HYCC1: variants seen among roughly 807,000 people sequenced by gnomAD.
HYCC1 encodes the protein hyccin PI4KA lipid kinase complex subunit 1, also known as hyccin.
chr7:22,932,397 T>C, the HYCC1 span, among the ~76,000 whole-genome samples: 1 of 152,160 alleles, frequency 6.6e-6, no homozygotes, highest in Non-Finnish European at 1.5e-5. Flanking sequence ...AGAGAATTAT[T>C]CTTACATCTT....
the HYCC1 span, among the ~76,000 whole-genome samples, chr7:22,990,197 T>C: frequency 6.6e-6 from 1 of 152,244 alleles, no homozygotes; most frequent in South Asian, 2.1e-4. Flanking sequence ...CCATTATAAA[T>C]AGCCCTGCTT....
chr7:22,961,415 G>A, the HYCC1 span: 1 of 743,240 alleles, frequency 1.3e-6, no homozygotes, highest in Non-Finnish European at 2.3e-6. Flanking sequence ...GAAAATAAAA[G>A]ATCATATTAG....
chr7:22,938,703 G>C, the HYCC1 span: 1 of 152,054 alleles, frequency 6.6e-6, no homozygotes, highest in Non-Finnish European at 1.5e-5. Flanking sequence ...ATCTCTTCAA[G>C]AAGTTTGCCC....
chr7:22,991,763 C>G, the HYCC1 span, among the ~76,000 whole-genome samples: 1 of 152,004 alleles, frequency 6.6e-6, no homozygotes, highest in South Asian at 2.1e-4. Flanking sequence ...AAATGTTTGT[C>G]AAAATACAAC....
At chr7:22,998,388 G>A in the HYCC1 span, among the ~76,000 whole-genome samples, 1 of 152,100 alleles carries the variant, frequency 6.6e-6, no homozygotes, top group African/African-American at 2.4e-5. Flanking sequence ...ACAGAATGGT[G>A]AGATCTCTGG....
the HYCC1 span, chr7:22,961,151 T>C: frequency 2.5e-6 from 2 of 808,214 alleles, no homozygotes; most frequent in African/African-American, 2.4e-5. Context: ...GACATATTAA[T>C]AAACTATGAA....
At chr7:23,008,730 G>C in the HYCC1 span, among the ~76,000 whole-genome samples, 1 of 151,932 alleles carries the variant, frequency 6.6e-6, no homozygotes, top group East Asian at 1.9e-4. Context: ...CATATCTATA[G>C]ACAGACAGAG....
At chr7:22,998,734 C>A in the HYCC1 span, among the ~76,000 whole-genome samples, 4 of 152,164 alleles carry the variant, frequency 2.6e-5, no homozygotes, top group African/African-American at 9.7e-5. Flanking sequence ...CTTCTGGCTC[C>A]TGATTTCTTC....
the HYCC1 span, among the ~76,000 whole-genome samples, chr7:22,960,885 A>G: frequency 9.9e-5 from 15 of 152,136 alleles, no homozygotes; most frequent in Non-Finnish European, 2.1e-4. Flanking sequence ...TCCTGTCTCT[A>G]CTAAAAATAC....
At chr7:22,945,352 G>C in the HYCC1 span, 804 of 560,986 alleles carry the variant, frequency 1.4e-3, 8 homozygotes, top group African/African-American at 0.014. Flanking sequence ...CAAATAAGAG[G>C]AGGGAAAAAA....
chr7:22,965,131 TAAA>T, the HYCC1 span, among the ~76,000 whole-genome samples: 19 of 133,798 alleles, frequency 1.4e-4, no homozygotes, highest in Non-Finnish European at 1.7e-4. Context: ...GAGATTCCAT[TAAA>T]AAAAAAAAAA....
chr7:22,986,623 G>A, the HYCC1 span, among the ~76,000 whole-genome samples: 3 of 152,162 alleles, frequency 2.0e-5, no homozygotes, highest in African/African-American at 7.2e-5. Context: ...TGAGGCAGGT[G>A]GATCACGAGG....
the HYCC1 span, among the ~76,000 whole-genome samples, chr7:22,927,238 C>T: frequency 2.0e-5 from 3 of 151,998 alleles, no homozygotes; most frequent in Non-Finnish European, 4.4e-5. Flanking sequence ...CAGGAAAGAT[C>T]TAAAACTGAC....
At chr7:22,912,880 C>A in the HYCC1 span, among the ~76,000 whole-genome samples, 2 of 152,192 alleles carry the variant, frequency 1.3e-5, no homozygotes, top group Non-Finnish European at 2.9e-5. Context: ...CACCTGTAAT[C>A]CCAGCACTTT....
the HYCC1 span, chr7:22,977,228 C>A: frequency 1.4e-6 from 1 of 730,926 alleles, no homozygotes; most frequent in South Asian, 1.5e-5. Context: ...GGTGTTTATA[C>A]TTTTGCAGGT....
the HYCC1 span, chr7:22,942,285 G>C: frequency 1.3e-5 from 2 of 152,080 alleles, no homozygotes; most frequent in African/African-American, 4.8e-5. Context: ...ATGAAATATT[G>C]CTTTTTCAAA....
chr7:22,947,133 A>G, the HYCC1 span: 1 of 1,550,254 alleles, frequency 6.5e-7, no homozygotes. Flanking sequence ...AATCTCTCCT[A>G]GTGTTCTGCC....
the HYCC1 span, chr7:22,961,265 G>A: frequency 1.2e-6 from 2 of 1,608,762 alleles, no homozygotes; most frequent in Non-Finnish European, 1.7e-6. Context: ...ATTCTAGCTG[G>A]GCTCTGTATA....
At chr7:22,953,574 CTT>C in the HYCC1 span, among the ~76,000 whole-genome samples, 1 of 151,848 alleles carries the variant, frequency 6.6e-6, no homozygotes, top group Non-Finnish European at 1.5e-5. Flanking sequence ...TGTACACAGT[CTT>C]TCTTTCCTCT....
Sources: allele counts gnomAD v4.1 joint callset (sites outside exome capture counted in the v4.1 genomes callset), GRCh38; gene constraint gnomAD v4.1.1; transcripts MANE v1.5; gene names NCBI Gene and HGNC (gene_info 2026-07-23, HGNC 2026-07-21).